The following PRKCI variants were observed in gnomAD, a reference collection of about 807,000 sequenced individuals.
The protein encoded by PRKCI is protein kinase C iota type.
A neutral mutation model predicts 84.0 loss-of-function variants in PRKCI; 43 were observed. The ratio of observed to expected loss-of-function variants is 0.51; its 90% CI spans 0.40 to 0.66. PRKCI has a LOEUF of 0.66. PRKCI is among the 30% of genes least tolerant of loss of function. The pLI, the probability that PRKCI is intolerant of heterozygous loss-of-function variation, is 0.00. For missense variants in PRKCI, 459 were observed against 745.6 expected (o/e 0.62, Z 4.48); for synonymous variants, 216 against 234.4 (o/e 0.92, Z 0.72).
At chr3:170,294,976 G>A (rs1055601448) in intron 14 of PRKCI, among the ~76,000 whole-genome samples, 3 of 150,274 alleles carry the variant, frequency 2.0e-5, no homozygotes, top group East Asian at 2.0e-4. Context: ...TTGGGAGGCC[G>A]AGATGGGCGG....
At chr3:170,294,102 AC>A (rs1734637697) in intron 14 of PRKCI, among the ~76,000 whole-genome samples, 2 of 152,154 alleles carry the variant, frequency 1.3e-5, no homozygotes, top group Admixed American at 1.3e-4. Flanking sequence ...ATTATCCATC[AC>A]AAACAGATTG....
intron 1 of PRKCI, among the ~76,000 whole-genome samples, chr3:170,226,917 C>G (rs1732640438): frequency 6.6e-6 from 1 of 151,986 alleles, no homozygotes; most frequent in South Asian, 2.1e-4. Context: ...AAAACCCAAA[C>G]CAAACACAAA....
chr3:170,240,091 G>GA (rs2108839322), intron 2 of PRKCI, among the ~76,000 whole-genome samples: 1 of 152,138 alleles, frequency 6.6e-6, no homozygotes, highest in East Asian at 1.9e-4. Context: ...GAGCATGGGA[G>GA]ATGGAGGCTG....
intron 2 of PRKCI, among the ~76,000 whole-genome samples, chr3:170,258,240 G>A (rs1733636239): frequency 6.6e-6 from 1 of 151,384 alleles, no homozygotes; most frequent in Non-Finnish European, 1.5e-5. Context: ...AGTAACTATG[G>A]GAATTAGCAA....
At chr3:170,274,910 GA>G (rs1048258779) in intron 7 of PRKCI, among the ~76,000 whole-genome samples, 1 of 152,128 alleles carries the variant, frequency 6.6e-6, no homozygotes, top group African/African-American at 2.4e-5. Context: ...TGTTTAGAAG[GA>G]AGTGTTTGAT....
chr3:170,297,923 T>C (rs1045061804), intron 16 of PRKCI, among the ~76,000 whole-genome samples: 1 of 152,162 alleles, frequency 6.6e-6, no homozygotes, highest in Non-Finnish European at 1.5e-5. Flanking sequence ...TCACCCAGGC[T>C]GGAGTGCAGT....
At chr3:170,242,635 G>A (rs1415341314) in intron 2 of PRKCI, among the ~76,000 whole-genome samples, 2 of 151,350 alleles carry the variant, frequency 1.3e-5, no homozygotes, top group Non-Finnish European at 2.9e-5. Context: ...TATTTATAAT[G>A]TAATGTAAAG....
intron 17 of PRKCI, among the ~76,000 whole-genome samples, chr3:170,301,830 T>A (rs552703192): frequency 6.6e-5 from 10 of 152,318 alleles, no homozygotes; most frequent in African/African-American, 2.2e-4. Flanking sequence ...ACCCCTTTAA[T>A]TAGAAACCTT....
intron 14 of PRKCI, among the ~76,000 whole-genome samples, chr3:170,295,156 A>G (rs1404970109): frequency 6.6e-6 from 1 of 152,084 alleles, no homozygotes; most frequent in African/African-American, 2.4e-5. Flanking sequence ...GGTTGCAGTG[A>G]GCTGAGATCG....
chr3:170,232,087 T>C (rs1191075546), intron 1 of PRKCI, among the ~76,000 whole-genome samples: 2 of 152,150 alleles, frequency 1.3e-5, no homozygotes, highest in Admixed American at 1.3e-4. Context: ...ATTTCTACTC[T>C]GTCACCCAGG....
intron 12 of PRKCI, among the ~76,000 whole-genome samples, chr3:170,286,281 G>A (rs1424444336): frequency 6.6e-6 from 1 of 151,974 alleles, no homozygotes; most frequent in Non-Finnish European, 1.5e-5. Context: ...AAAGCTTAGC[G>A]AGTGGAACCC....
intron 2 of PRKCI, among the ~76,000 whole-genome samples, chr3:170,245,382 C>T (rs759522745): frequency 1.1e-4 from 16 of 152,102 alleles, no homozygotes; most frequent in Non-Finnish European, 1.3e-4. Context: ...GTAGGACGCT[C>T]GATTGGTCTC....
intron 2 of PRKCI, among the ~76,000 whole-genome samples, chr3:170,240,124 T>G (rs563425731): frequency 6.6e-6 from 1 of 152,200 alleles, no homozygotes; most frequent in South Asian, 2.1e-4. Context: ...ATTGTGCCAC[T>G]GCACTCCAAC....
intron 11 of PRKCI, among the ~76,000 whole-genome samples, chr3:170,282,572 C>A (rs1236114661): frequency 3.3e-5 from 5 of 151,666 alleles, no homozygotes; most frequent in Non-Finnish European, 7.4e-5. Flanking sequence ...TGGCGGGTGC[C>A]TGTAATCCCA....
At chr3:170,265,120 C>T (rs538512583) in intron 4 of PRKCI, among the ~76,000 whole-genome samples, 17 of 150,954 alleles carry the variant, frequency 1.1e-4, no homozygotes, top group Non-Finnish European at 1.9e-4. Context: ...ACCTGGGAAG[C>T]GGAGGTTGCA....
chr3:170,230,553 C>G (rs1732758782), intron 1 of PRKCI, among the ~76,000 whole-genome samples: 1 of 152,234 alleles, frequency 6.6e-6, no homozygotes, highest in Non-Finnish European at 1.5e-5. Context: ...TGGTCCCAAA[C>G]TCGTGACCTC....
At chr3:170,281,582 A>C (rs9816705) in intron 10 of PRKCI, 16,707 of 412,770 alleles carry the variant, frequency 0.04, 881 homozygotes, top group African/African-American at 0.17. Context: ...GAGGAAAAAT[A>C]CCTTGACAGT....
intron 8 of PRKCI, among the ~76,000 whole-genome samples, chr3:170,279,763 T>C (rs987085654): frequency 6.6e-6 from 1 of 152,220 alleles, no homozygotes; most frequent in African/African-American, 2.4e-5. Context: ...GCAGACTCTT[T>C]CATCTTGATG....
At chr3:170,281,664 C>T (rs917487730) in intron 10 of PRKCI, 12 of 515,600 alleles carry the variant, frequency 2.3e-5, no homozygotes, top group Middle Eastern at 5.2e-4. Context: ...AGTGGTACTA[C>T]TTTAGAACAG....
Sources: allele counts gnomAD v4.1 joint callset (sites outside exome capture counted in the v4.1 genomes callset), GRCh38; gene constraint gnomAD v4.1.1; transcripts MANE v1.5; gene names NCBI Gene and HGNC (gene_info 2026-07-23, HGNC 2026-07-21).